The following TMC3 variants were observed in gnomAD, a reference collection of about 807,000 sequenced individuals.
TMC3 encodes transmembrane channel like 3.
A neutral mutation model predicts 110.6 loss-of-function variants in TMC3; 98 were observed. The ratio of observed to expected loss-of-function variants is 0.89; its 90% CI spans 0.75 to 1.05. The LOEUF is 1.05. Ranked by LOEUF, TMC3 falls within the 50% of genes least tolerant of loss-of-function variation. The pLI is 0.00. For missense variants in TMC3, 1,319 were observed against 1,373.2 expected, an observed-to-expected ratio of 0.96 and a Z score of 0.62; for synonymous variants, 489 against 513.1, an observed-to-expected ratio of 0.95 and a Z score of 0.63.
At chr15:81,350,298 T>A (rs181463030) in intron 10 of TMC3, among the ~76,000 whole-genome samples, 1 of 152,308 alleles carries the variant, frequency 6.6e-6, no homozygotes, top group Admixed American at 6.5e-5. Context: ...CTCACAGTAT[T>A]TATACTTCCC....
In TMC3 at chr15:81,334,759, G is replaced by A. The variant is rs1171948795; in HGVS notation, c.2420C>T (p.Pro807Leu). ...CTCTAGCCTGGATTTGGGGACCCCA[G>A]GGAGAGGTGAGCTAGGAGCCCTGTC... ...PGDRAPSSPLPGVPKSRLEHE... is the reference protein window; with the variant it reads ...PGDRAPSSPLLGVPKSRLEHE... The change falls in exon 21 of 22, where the codon CCT (proline) becomes CTT (leucine). Residue 807 changes from proline to leucine, a missense_variant. By Grantham distance (98) the Pro-to-Leu change is moderately conservative. Transcript: ENST00000359440. 3 of 1,614,024 alleles carry A rather than the reference G, an allele frequency of 1.9e-6. No individual in the cohort carries two copies. The highest frequency in any genetic ancestry group is 2.5e-6 in the Non-Finnish European group (3 of 1,179,882).
chr15:81,367,861 G>A (rs1894348589), intron 3 of TMC3, among the ~76,000 whole-genome samples: 1 of 152,188 alleles, frequency 6.6e-6, no homozygotes, highest in South Asian at 2.1e-4. Context: ...GATGGCAAGT[G>A]TGATGGCAAA....
In TMC3 at chr15:81,368,294, T is replaced by A; in HGVS notation, c.271A>T (p.Arg91Trp). 1.2e-6 allele frequency: 2 copies of A among 1,613,654 alleles called. No individual in the cohort carries two copies. The highest frequency in any genetic ancestry group is 1.7e-6 in the Non-Finnish European group (2 of 1,179,712). The change falls in exon 3 of 22, where the codon AGG (arginine) becomes TGG (tryptophan). Residue 91 changes from arginine to tryptophan, a missense_variant. Arg to Trp is a moderately radical substitution (Grantham distance 101). Transcript: ENST00000359440. ...AKNIVLKFEGRLTRTRGYQAA... is the reference protein window; with the variant it reads ...AKNIVLKFEGWLTRTRGYQAA... ...TGGTAGCCTCGGGTCCTGGTCAGCC[T>A]CCCTTCAAACTTCAGCACAATGTTC... is the stretch of plus-strand genomic sequence containing the variant.
Position 81,372,756 on chromosome 15 carries a change from A to C in TMC3, c.90-19T>G, listed in dbSNP as rs1487682623. 1.2e-6 allele frequency: 2 copies of C among 1,612,724 alleles called. No homozygotes were observed. The highest frequency in any genetic ancestry group is 1.7e-6 in the Non-Finnish European group (2 of 1,179,198). On this transcript the variant is annotated intron_variant, in intron 1 of 21. Coordinates refer to ENST00000359440, the MANE Select transcript of TMC3 (RefSeq NM_001080532.3). ...CAAGTTGCTGAATGATCAGGGCATTAAGGAGGAAATCTGATTAGAAGAATT... is the reference window on the plus strand; with the variant it reads ...CAAGTTGCTGAATGATCAGGGCATTCAGGAGGAAATCTGATTAGAAGAATT...
chr15:81,340,342 G>C (rs4077833), intron 16 of TMC3, among the ~76,000 whole-genome samples: 33,792 of 152,026 alleles, frequency 0.22, 6,318 homozygotes, highest in African/African-American at 0.52. Context: ...CTTTATCTTT[G>C]TCTATCCACA....
chr15:81,331,480 C>T lies in TMC3; in HGVS notation c.*939G>A, dbSNP rs1157760320. ...CTTAGACTATGGGGGAGCTACACTA[C>T]ACTTAGCTTTTGAAGGAAAAAGTAA... is the stretch of plus-strand genomic sequence containing the variant. On this transcript the variant is annotated 3_prime_UTR_variant, in exon 22 of 22. Transcript: ENST00000359440. 2.0e-5 allele frequency: 3 copies of T among 152,184 alleles called. No individual in the cohort carries two copies. The highest frequency in any genetic ancestry group is 2.9e-5 in the Non-Finnish European group (2 of 68,042). 9.4% of individuals were successfully genotyped at this position (152,184 alleles called of 1,614,324 possible). A position where few individuals can be genotyped will look rare whatever the true frequency, so the allele number is the denominator to read the frequency against.
chr15:81,369,347 A>G (rs147675170), intron 2 of TMC3, among the ~76,000 whole-genome samples: 360 of 151,970 alleles, frequency 2.4e-3, no homozygotes, highest in Non-Finnish European at 3.8e-3. Flanking sequence ...TACCATTGCA[A>G]CGTCTCCATC....
rs764526151 is a variant in TMC3 at position 81,333,101 on chromosome 15, G to A, written c.2621C>T (p.Thr874Ile). The stretch of plus-strand genomic sequence containing the variant: ...GGGCCTGGGACCCTGTGCCAGCAAA[G>A]TCGAGGCCTGTGGTCCACGGTGAGG... ...NPPHRGPQAS[T>I]LLAQGPRPHA... The change falls in exon 22 of 22, where the codon ACT becomes ATT. Residue 874 changes from threonine (T) to isoleucine (I), a missense_variant. Physicochemically the swap from Thr to Ile is moderately conservative, Grantham distance 89. Coordinates refer to ENST00000359440, the MANE Select transcript of TMC3 (RefSeq NM_001080532.3). 2.4e-5 allele frequency: 39 copies of A among 1,613,920 alleles called. 1 individual carries two copies. In the South Asian group the frequency reaches 4.1e-4, roughly 17 times the overall value.
At chr15:81,370,362 G>T (rs983760449) in intron 2 of TMC3, among the ~76,000 whole-genome samples, 2 of 152,174 alleles carry the variant, frequency 1.3e-5, no homozygotes, top group African/African-American at 2.4e-5. Flanking sequence ...GTTTCTCAAG[G>T]TGATGGAGAG....
chr15:81,337,911 A>G lies in TMC3; in HGVS notation c.2095T>C (p.Tyr699His). The G allele has an allele frequency of 6.2e-7, 1 of 1,613,912 alleles. No homozygotes were observed. Among genetic ancestry groups the G allele is most frequent in the Non-Finnish European group, 8.5e-7 (1 of 1,179,806 alleles). ...AGAGACCGTGCGATGCTCTGGAGAT[A>G]ATAGATGAGCATGCTAGGACAGAAC... ...AVLLLFMLIY[Y>H]LQSIARSLKL... The change falls in exon 19 of 22, where the codon TAT (tyrosine) becomes CAT (histidine). Residue 699 changes from tyrosine (Y) to histidine (H), a missense_variant. Transcript: ENST00000359440.
Position 81,367,915 on chromosome 15 carries a change from G to A in TMC3, c.312+338C>T, listed in dbSNP as rs1459460232. 2.0e-5 allele frequency among the ~76,000 whole-genome samples: 3 copies of A among 152,120 alleles called. No individual in the cohort carries two copies. In the East Asian group the frequency reaches 5.8e-4, roughly 29 times the overall value. ...GAGACCACAGTGCTCACATGTGTGT[G>A]TGTTTTTTGTTGTTGTTGTTTTGTT... is the stretch of plus-strand genomic sequence containing the variant. On this transcript the variant is annotated intron_variant, in intron 3 of 21. Coordinates refer to ENST00000359440, the MANE Select transcript of TMC3 (RefSeq NM_001080532.3).
chr15:81,344,039 G>A lies in TMC3; in HGVS notation c.1525C>T (p.Leu509=), dbSNP rs1471454630. 2 of 1,608,720 alleles carry A rather than the reference G, an allele frequency of 1.2e-6. No homozygotes were observed. Among genetic ancestry groups the A allele is most frequent in the African/African-American group, 1.3e-5 (1 of 74,866 alleles). ...AGCATGTCAATGATGGAGAGCTTCA[G>A]CATCTCCTGAAACACAGGGCGTCCC... The part of the protein sequence containing the change: ...CWETYVGQEM[L]KLSIIDMLFT... Residue 509 remains leucine (L), a synonymous_variant, in exon 14 of 22, where the codon CTG becomes TTG. Coordinates refer to ENST00000359440, the MANE Select transcript of TMC3 (RefSeq NM_001080532.3).
At chr15:81,359,519 G>A (rs1192874894) in intron 4 of TMC3, 48 bp from the exon 5 acceptor site, 1 of 1,283,686 alleles carries the variant, frequency 7.8e-7, no homozygotes, top group Non-Finnish European at 1.1e-6. Context: ...AATCCTCATA[G>A]TGCAAGAAAT....
At chr15:81,353,975 C>G (rs1419760499) in intron 9 of TMC3, among the ~76,000 whole-genome samples, 1 of 152,196 alleles carries the variant, frequency 6.6e-6, no homozygotes. Context: ...ACACAGGGCT[C>G]ATCTCTTTCC....
intron 5 of TMC3, 42 bp from the exon 6 acceptor site, chr15:81,358,542 G>T: frequency 1.3e-6 from 2 of 1,515,470 alleles, no homozygotes; most frequent in Non-Finnish European, 9.0e-7. Context: ...CTCTGGGTGG[G>T]AGGGGACCGG....
chr15:81,345,595 C>T (rs1393233833), intron 12 of TMC3, among the ~76,000 whole-genome samples: 1 of 152,096 alleles, frequency 6.6e-6, no homozygotes, highest in Non-Finnish European at 1.5e-5. Flanking sequence ...TCAGGCTGGG[C>T]GTGATGCCTC....
chr15:81,336,624 C>T lies in TMC3; in HGVS notation c.2188G>A (p.Ala730Thr), dbSNP rs1179337918. ...NARSEDKKKV[A>T]QMVEARIQTQ... ...AAATACTTACCTTCTACCATCTGGGCAACCTTTTTCTTATCCTCTGATCTT... is the reference window on the plus strand; with the variant it reads ...AAATACTTACCTTCTACCATCTGGGTAACCTTTTTCTTATCCTCTGATCTT... The change falls in exon 20 of 22, where the codon GCC becomes ACC. Residue 730 changes from alanine to threonine, a missense_variant. Ala to Thr is a moderately conservative substitution (Grantham distance 58, BLOSUM62 0). Coordinates refer to ENST00000359440, the MANE Select transcript of TMC3 (RefSeq NM_001080532.3). 3 of 1,613,764 alleles carry T rather than the reference C, an allele frequency of 1.9e-6. No individual in the cohort carries two copies. Among genetic ancestry groups the T allele is most frequent in the African/African-American group, 1.3e-5 (1 of 74,926 alleles).
chr15:81,346,586 G>T (rs557779890), intron 11 of TMC3, 143 bp from the exon 12 acceptor site: 1 of 784,170 alleles, frequency 1.3e-6, no homozygotes, highest in African/African-American at 1.7e-5. Flanking sequence ...ATCACCTTGC[G>T]GGCATTTTTA....
At chr15:81,333,632 C>CT (rs1046450022) in intron 21 of TMC3, among the ~76,000 whole-genome samples, 1 of 152,180 alleles carries the variant, frequency 6.6e-6, no homozygotes, top group African/African-American at 2.4e-5. Flanking sequence ...AAGCAGCTGT[C>CT]TGACTTCTCA....
Sources: allele counts gnomAD v4.1 joint callset (sites outside exome capture counted in the v4.1 genomes callset), GRCh38; gene constraint gnomAD v4.1.1; transcripts MANE v1.5; gene names NCBI Gene and HGNC (gene_info 2026-07-23, HGNC 2026-07-21).